MRPL11: variants seen among roughly 807,000 people sequenced by gnomAD.
MRPL11 encodes mitochondrial ribosomal protein L11, also known as large ribosomal subunit protein uL11m.
MRPL11 carries 21 observed loss-of-function variants against 19.1 expected under a neutral mutation model. The observed-to-expected ratio is 1.10, with a 90% confidence interval of 0.78 to 1.58. The LOEUF is 1.58. Ranked by LOEUF, MRPL11 falls within the 40% of genes most tolerant of loss-of-function variation. The probability of loss-of-function intolerance (pLI) is 0.00; values close to 1 mark genes in which losing one functional copy is unlikely to be tolerated. For missense variants in MRPL11, 242 were observed against 243.9 expected (o/e 0.99, Z 0.05); for synonymous variants, 108 against 99.7 (o/e 1.08, Z -0.49).
At chr11:66,436,966 AC>A (rs1366068371) in intron 4 of MRPL11, 137 bp downstream of exon 4, 1 of 1,167,592 alleles carries the variant, frequency 8.6e-7, no homozygotes, top group Non-Finnish European at 1.2e-6. Context: ...GTGGCCTCCC[AC>A]CCCCACCCCA....
At chr11:66,437,860 AC>A (rs1159645702) in intron 2 of MRPL11, among the ~76,000 whole-genome samples, 1 of 152,164 alleles carries the variant, frequency 6.6e-6, no homozygotes, top group Non-Finnish European at 1.5e-5. Context: ...GGCGACAAGA[AC>A]AAAACTCCAT....
In MRPL11 at chr11:66,435,509, G is replaced by T. The variant is rs1856947632; in HGVS notation, c.*498C>A. ...GGTGGCAAGTTGTTCAGAGATAAAA[G>T]AGATTTTTGATGGAAGAAGTAAGCA... On this transcript the variant is annotated 3_prime_UTR_variant, in exon 5 of 5. Transcript: ENST00000310999. The T allele has an allele frequency of 6.5e-6, 1 of 153,588 alleles. No individual in the cohort carries two copies. The highest frequency in any genetic ancestry group is 3.4e-3 in the Middle Eastern group (1 of 294). 9.5% of individuals were successfully genotyped at this position (153,588 alleles called of 1,614,324 possible).
chr11:66,436,457 C>T (rs1244900425), intron 4 of MRPL11, among the ~76,000 whole-genome samples: 2 of 151,908 alleles, frequency 1.3e-5, no homozygotes, highest in East Asian at 3.9e-4. Context: ...TCTCCCAGGA[C>T]AGGGGTCAGA....
At position 66,435,959 on chromosome 11, in the gene MRPL11, G is replaced by A. The variant is rs950094898; in HGVS notation, c.*48C>T. ...GACCTCCTTCCTCCCCTTGGGCACA[G>A]CTTTTGCAACTACCTCCTTTGAAAT... is the stretch of plus-strand genomic sequence containing the variant. On this transcript the variant is annotated 3_prime_UTR_variant, in exon 5 of 5. Transcript: ENST00000310999. 6.8e-7 allele frequency: 1 copy of A among 1,465,306 alleles called. No individual in the cohort carries two copies. Among genetic ancestry groups the A allele is most frequent in the South Asian group, 1.2e-5 (1 of 86,830 alleles). 90.8% of individuals were successfully genotyped at this position (1,465,306 alleles called of 1,614,324 possible).
rs1385709803 is a variant in MRPL11 at position 66,438,647 on chromosome 11, G to A, written c.108C>T (p.Gly36=). 6.4e-7 allele frequency: 1 copy of A among 1,553,424 alleles called. No individual in the cohort carries two copies. The highest frequency in any genetic ancestry group is 1.9e-5 in the Admixed American group (1 of 52,168). ...AGLAMPGPPL[G]PVLGQRGVSI... is the part of the protein sequence containing the mutation. ...ACGGCCGCACCTGACCCAGCACTGGGCCTAGTGGGGGCCCGGGCATGGCCA... is the reference window on the plus strand; with the variant it reads ...ACGGCCGCACCTGACCCAGCACTGGACCTAGTGGGGGCCCGGGCATGGCCA... The change falls in exon 1 of 5, where the codon GGC becomes GGT. Residue 36 remains glycine (G), a synonymous_variant. Transcript: ENST00000310999.
At chr11:66,437,515 C>T (rs1392498598) in intron 2 of MRPL11, 72 bp from the exon 3 acceptor site, 2 of 1,360,832 alleles carry the variant, frequency 1.5e-6, no homozygotes, top group Non-Finnish European at 2.1e-6. Context: ...AATGTCTTGC[C>T]CCCTGCTTCC....
chr11:66,436,962 TCCCACC>T, intron 4 of MRPL11, 136 bp downstream of exon 4: 1 of 1,550,966 alleles, frequency 6.4e-7, no homozygotes, highest in South Asian at 1.1e-5. Flanking sequence ...GAATGTGGCC[TCCCACC>T]CCCACCCCAT....
chr11:66,435,868 C>T lies in MRPL11; in HGVS notation c.*139G>A, dbSNP rs1372398866. On this transcript the variant is annotated 3_prime_UTR_variant, in exon 5 of 5. Coordinates refer to ENST00000310999, the MANE Select transcript of MRPL11 (RefSeq NM_016050.5). ...AAGGATGTTTATTCAGGCCTGATGC[C>T]TCGATACAGCTAGATGTACAAAAAT... 6.1e-5 allele frequency: 40 copies of T among 652,878 alleles called. No individual in the cohort carries two copies. The South Asian group carries it at 7.0e-4, about 11-fold the overall frequency. 40.4% of individuals were successfully genotyped at this position (652,878 alleles called of 1,614,324 possible). A position where few individuals can be genotyped will look rare whatever the true frequency, so the allele number is the denominator to read the frequency against.
Position 66,438,279 on chromosome 11 carries a change from G to A in MRPL11, c.124-20C>T. The A allele has an allele frequency of 4.4e-6, 7 of 1,585,640 alleles. No individual in the cohort carries two copies. The highest frequency in any genetic ancestry group is 2.2e-5 in the South Asian group (2 of 90,530). On this transcript the variant is annotated intron_variant, in intron 1 of 4. Coordinates refer to ENST00000310999, the MANE Select transcript of MRPL11 (RefSeq NM_016050.5). ...GCCTCTCTGTGAGGGAAGCAGAGGG[G>A]GTTAGTGGTGAGAGGAGGGGACGGC...
In MRPL11 at chr11:66,437,152, C is replaced by G. The variant is rs571617485; in HGVS notation, c.425G>C (p.Arg142Pro). The G allele has an allele frequency of 6.2e-7, 1 of 1,614,218 alleles. No homozygotes were observed. The change falls in exon 4 of 5, where the codon CGC becomes CCC. Residue 142 changes from arginine (R) to proline (P), a missense_variant. Coordinates refer to ENST00000310999, the MANE Select transcript of MRPL11 (RefSeq NM_016050.5). Reference protein sequence around the residue: ...LQDVPLSSVVRSIIGSARSLG... With the variant: ...LQDVPLSSVVPSIIGSARSLG... ...AGAACGGGCAGACCCGATGATGGAG[C>G]GGACAACAGACGACAGGGGTACATC...
intron 4 of MRPL11, chr11:66,436,825 G>A (rs372038830): frequency 2.4e-5 from 38 of 1,613,342 alleles, no homozygotes; most frequent in East Asian, 4.5e-5. Flanking sequence ...CCTCTAGGAC[G>A]ACAGACCCAG....
At position 66,435,148 on chromosome 11, in the gene MRPL11, A is replaced by G. The variant is rs1856939961; in HGVS notation, c.*859T>C. The G allele has an allele frequency of 6.6e-6, 1 of 152,244 alleles. No individual in the cohort carries two copies. Among genetic ancestry groups the G allele is most frequent in the South Asian group, 2.1e-4 (1 of 4,836 alleles). 9.4% of individuals were successfully genotyped at this position (152,244 alleles called of 1,614,324 possible). On this transcript the variant is annotated 3_prime_UTR_variant, in exon 5 of 5. Transcript: ENST00000310999. Reference sequence around the variant, plus strand: ...TATGCTTTCCATATTTTCTCAGTGTAAAATGAAGTGTCTAGCACATAACAG... The same window carrying G: ...TATGCTTTCCATATTTTCTCAGTGTGAAATGAAGTGTCTAGCACATAACAG...
Position 66,438,263 on chromosome 11 carries a change from T to C in MRPL11, c.124-4A>G, listed in dbSNP as rs1267172742. 1 of 1,609,450 alleles carries C rather than the reference T, an allele frequency of 6.2e-7. No homozygotes were observed. Among genetic ancestry groups the C allele is most frequent in the South Asian group, 1.1e-5 (1 of 90,980 alleles). Reference sequence around the variant, plus strand: ...ACTGGTTGATGGAAACGCCTCTCTGTGAGGGAAGCAGAGGGGGTTAGTGGT... The same window carrying C: ...ACTGGTTGATGGAAACGCCTCTCTGCGAGGGAAGCAGAGGGGGTTAGTGGT... On this transcript the variant is annotated splice_polypyrimidine_tract_variant and splice_region_variant and intron_variant, in intron 1 of 4. Transcript: ENST00000310999.
At position 66,438,685 on chromosome 11, in the gene MRPL11, C is replaced by G. The variant is rs1035895370; in HGVS notation, c.70G>C (p.Val24Leu). The G allele has an allele frequency of 6.3e-7, 1 of 1,577,668 alleles. No individual in the cohort carries two copies. The highest frequency in any genetic ancestry group is 8.6e-7 in the Non-Finnish European group (1 of 1,159,860). The change falls in exon 1 of 5, where the codon GTG becomes CTG. Residue 24 changes from valine (V) to leucine (L), a missense_variant. Transcript: ENST00000310999. ...PEVGGVIRAIVRAGLAMPGPP... is the reference protein window; with the variant it reads ...PEVGGVIRAILRAGLAMPGPP... ...CCGGGCATGGCCAGGCCTGCCCGCA[C>G]GATCGCCCGGATCACACCGCCGACC...
rs1475730323 is a variant in MRPL11 at position 66,438,676 on chromosome 11, C to T, written c.79G>A (p.Gly27Ser). The T allele has an allele frequency of 3.2e-6, 5 of 1,576,642 alleles. No individual in the cohort carries two copies. Among genetic ancestry groups the T allele is most frequent in the Non-Finnish European group, 4.3e-6 (5 of 1,159,758 alleles). ...GGVIRAIVRA[G>S]LAMPGPPLGP... ...AGTGGGGGCCCGGGCATGGCCAGGC[C>T]TGCCCGCACGATCGCCCGGATCACA... is the stretch of plus-strand genomic sequence containing the variant. Residue 27 changes from glycine to serine, a missense_variant, in exon 1 of 5, where the codon GGC becomes AGC. By Grantham distance (56) the Gly-to-Ser change is moderately conservative. Transcript: ENST00000310999.
Position 66,435,894 on chromosome 11 carries a change from A to G in MRPL11, c.*113T>C, listed in dbSNP as rs921546255. The G allele has an allele frequency of 1.6e-5, 12 of 751,222 alleles. No homozygotes were observed. In the African/African-American group the frequency reaches 2.1e-4, roughly 13 times the overall value. The allele number at this position is 751,222 out of a possible 1,614,324, so 46.5% of individuals were successfully genotyped here. ...TCGATACAGCTAGATGTACAAAAAT[A>G]TATCATTCAAAGTCATGAAAACCAT... On this transcript the variant is annotated 3_prime_UTR_variant, in exon 5 of 5. Transcript: ENST00000310999.
chr11:66,437,315 C>G (rs764304442), intron 3 of MRPL11, 35 bp downstream of exon 3: 2 of 1,613,816 alleles, frequency 1.2e-6, no homozygotes, highest in Admixed American at 3.3e-5. Flanking sequence ...CCTTCTGGAG[C>G]CCCCAGAATC....
intron 3 of MRPL11, 28 bp downstream of exon 3, chr11:66,437,322 A>C: frequency 6.2e-7 from 1 of 1,614,164 alleles, no homozygotes; most frequent in Admixed American, 1.7e-5. Context: ...GAGCCCCCAG[A>C]ATCTCAGATG....
intron 3 of MRPL11, 21 bp from the exon 4 acceptor site, chr11:66,437,284 GC>G: frequency 6.2e-7 from 1 of 1,614,026 alleles, no homozygotes; most frequent in Non-Finnish European, 8.5e-7. Flanking sequence ...GGAACAAGTG[GC>G]TCTTCAGGTG....
Sources: gnomAD v4.1 joint callset for allele counts (sites outside exome capture counted in the v4.1 genomes callset) on GRCh38, gnomAD v4.1.1 for gene constraint, MANE v1.5 for transcripts, NCBI Gene and HGNC (gene_info 2026-07-23, HGNC 2026-07-21) for gene names.